Variants in PRKN observed in about 807,000 individuals in gnomAD.
PRKN encodes parkin RBR E3 ubiquitin protein ligase.
Under a neutral mutation model 59.5 loss-of-function variants are expected in PRKN, and 56 were observed. The observed-to-expected ratio is 0.94, with a 90% CI of 0.76 to 1.18. The LOEUF (loss-of-function observed/expected upper bound fraction) is 1.18, where lower values mean the gene tolerates loss of function less well. Among genes scored for constraint, PRKN ranks in the 50% most tolerant of loss-of-function variants. The pLI is 0.00. For synonymous variants in PRKN, 250 were observed against 222.1 expected (o/e 1.13, Z -1.12); for missense variants, 657 against 596.4 (o/e 1.10, Z -1.06).
chr6:161,814,596 G>A (rs890809712), intron 6 of PRKN, among the ~76,000 whole-genome samples: 20 of 152,192 alleles, frequency 1.3e-4, no homozygotes, highest in Middle Eastern at 3.4e-3. Flanking sequence ...TCCGCCTCCC[G>A]GGTTCAAGCA....
chr6:162,001,208 T>G (rs1401590944), intron 5 of PRKN, among the ~76,000 whole-genome samples: 1 of 152,072 alleles, frequency 6.6e-6, no homozygotes, highest in Admixed American at 6.6e-5. Flanking sequence ...TTATTGTGAT[T>G]GCATTGACTC....
intron 5 of PRKN, among the ~76,000 whole-genome samples, chr6:162,004,722 T>C (rs1430263893): frequency 3.3e-5 from 5 of 152,206 alleles, no homozygotes; most frequent in Non-Finnish European, 7.3e-5. Context: ...TGGAAACTCA[T>C]TTACCACACT....
intron 1 of PRKN, among the ~76,000 whole-genome samples, chr6:162,568,022 T>C (rs771153092): frequency 1.3e-5 from 2 of 151,042 alleles, no homozygotes; most frequent in African/African-American, 2.4e-5. Flanking sequence ...GGAAAAAGAG[T>C]TTCTTCAGTA....
intron 7 of PRKN, among the ~76,000 whole-genome samples, chr6:161,720,072 C>T (rs182127433): frequency 2.0e-4 from 31 of 152,222 alleles, no homozygotes; most frequent in Admixed American, 1.9e-3. Context: ...CACAACAAAC[C>T]AACAGAGAAA....
chr6:161,739,805 A>T (rs3019451), intron 7 of PRKN, among the ~76,000 whole-genome samples: 27,804 of 151,454 alleles, frequency 0.18, 2,749 homozygotes, highest in Middle Eastern at 0.27. Flanking sequence ...TGCAGGCTGG[A>T]GTGCAGTGGC....
At chr6:162,543,815 C>T (rs1195163638) in intron 1 of PRKN, among the ~76,000 whole-genome samples, 1 of 152,086 alleles carries the variant, frequency 6.6e-6, no homozygotes, top group Non-Finnish European at 1.5e-5. Flanking sequence ...TTATTGCATA[C>T]AGTCATGTTT....
At chr6:161,923,767 A>G (rs1404414622) in intron 6 of PRKN, among the ~76,000 whole-genome samples, 2 of 152,152 alleles carry the variant, frequency 1.3e-5, no homozygotes, top group African/African-American at 4.8e-5. Flanking sequence ...GGACACTGTT[A>G]GGTAACTGCA....
Position 162,000,335 on chromosome 6 carries a change from A to C in PRKN, c.619-26918T>G, listed in dbSNP as rs1188534498. Among the ~76,000 whole-genome samples the C allele has an allele frequency of 3.3e-5, 5 of 152,164 alleles. No homozygotes were observed. The South Asian group carries it at 6.2e-4, about 19-fold the overall frequency. ...GGTGTCAGTGTCCTGGATTTTGGCCATTGTAATAGATGTGTACTGGTATCT... is the reference window on the plus strand; with the variant it reads ...GGTGTCAGTGTCCTGGATTTTGGCCCTTGTAATAGATGTGTACTGGTATCT... On this transcript the variant is annotated intron_variant, in intron 5 of 11. Transcript: ENST00000366898.
chr6:162,668,607 A>C (rs1584015602), intron 1 of PRKN, among the ~76,000 whole-genome samples: 1 of 152,074 alleles, frequency 6.6e-6, no homozygotes, highest in African/African-American at 2.4e-5. Flanking sequence ...GCGCAGCAGA[A>C]CCATCCACGG....
chr6:162,619,775 A>C (rs1027270605), intron 1 of PRKN, among the ~76,000 whole-genome samples: 1 of 152,150 alleles, frequency 6.6e-6, no homozygotes, highest in Non-Finnish European at 1.5e-5. Flanking sequence ...CATGTTGAAT[A>C]AATCATACTT....
chr6:161,801,798 C>T (rs1430383397), intron 6 of PRKN, among the ~76,000 whole-genome samples: 3 of 152,086 alleles, frequency 2.0e-5, no homozygotes, highest in Non-Finnish European at 2.9e-5. Context: ...TGCGTGTGTC[C>T]AGGACTGGGC....
At chr6:162,383,306 T>A (rs1230541299) in intron 2 of PRKN, among the ~76,000 whole-genome samples, 1 of 152,194 alleles carries the variant, frequency 6.6e-6, no homozygotes, top group Non-Finnish European at 1.5e-5. Context: ...AAAATTAGAA[T>A]TACTCCTTGA....
intron 2 of PRKN, among the ~76,000 whole-genome samples, chr6:162,428,994 T>C (rs1334861746): frequency 6.6e-6 from 1 of 152,216 alleles, no homozygotes; most frequent in African/African-American, 2.4e-5. Flanking sequence ...TATAAGGTAG[T>C]GTCACCAGTC....
chr6:162,154,977 A>C (rs1228563653), intron 4 of PRKN, among the ~76,000 whole-genome samples: 28 of 151,834 alleles, frequency 1.8e-4, no homozygotes, highest in Admixed American at 1.8e-3. Flanking sequence ...TGCAAAAAAA[A>C]AAACAAAAAA....
intron 4 of PRKN, among the ~76,000 whole-genome samples, chr6:162,110,482 G>C (rs1226582153): frequency 6.6e-6 from 1 of 152,160 alleles, no homozygotes; most frequent in African/African-American, 2.4e-5. Flanking sequence ...TTCTCAAACT[G>C]TTCTTTAAAG....
At chr6:161,936,996 G>C (rs111548665) in intron 6 of PRKN, among the ~76,000 whole-genome samples, 1,918 of 152,136 alleles carry the variant, frequency 0.013, 45 homozygotes, top group African/African-American at 0.042. Flanking sequence ...ATGCTGGCCA[G>C]GTTGGTCATG....
In PRKN at chr6:161,561,719, A is replaced by G. The variant is rs139669939; in HGVS notation, c.933+7636T>C. Among the ~76,000 whole-genome samples the G allele has an allele frequency of 3.1e-3, 468 of 151,944 alleles. 4 individuals carry two copies. The highest frequency in any genetic ancestry group is 0.01 in the African/African-American group (420 of 41,418). On this transcript the variant is annotated intron_variant, in intron 8 of 11. Coordinates refer to ENST00000366898, the MANE Select transcript of PRKN (RefSeq NM_004562.3). The surrounding 1 kb of genome is among the most constrained non-coding windows in gnomAD (Gnocchi z 5.0). ...TTCAGTTCTTGGATCTCTCTCTCAA[A>G]TTACCGGTAATTCATCTCTGTGGAA...
At chr6:161,618,489 T>C (rs1013227306) in intron 7 of PRKN, among the ~76,000 whole-genome samples, 4 of 152,178 alleles carry the variant, frequency 2.6e-5, no homozygotes, top group Non-Finnish European at 5.9e-5. Context: ...CTCACTTTTC[T>C]TTTTCCAGAA....
rs1780912459 is a variant in PRKN, at chr6:162,584,232, CAAAAAACA to C, written c.8-140767_8-140760del. Among the ~76,000 whole-genome samples, 6 of 115,036 alleles carry C rather than the reference CAAAAAACA, an allele frequency of 5.2e-5. No individual in the cohort carries two copies. In the South Asian group the frequency reaches 1.7e-3, roughly 32 times the overall value. 75.5% of individuals were successfully genotyped at this position (115,036 alleles called of 152,430 possible). On this transcript the variant is annotated intron_variant, in intron 1 of 11. Coordinates refer to ENST00000366898, the MANE Select transcript of PRKN (RefSeq NM_004562.3). ...CGTCTCAAAAAAAAAAAACAAAAAACAAAAAACAAAAAACAAAAAAAAAAAAAACACTG... is the reference window on the plus strand; with the variant it reads ...CGTCTCAAAAAAAAAAAACAAAAAACAAAAACAAAAAAAAAAAAAACACTG...
Sources: allele counts gnomAD v4.1 joint callset (sites outside exome capture counted in the v4.1 genomes callset), GRCh38; gene constraint gnomAD v4.1.1; non-coding constraint Gnocchi (gnomAD v3.1); transcripts MANE v1.5; gene names NCBI Gene and HGNC (gene_info 2026-07-23, HGNC 2026-07-21).